FAM169A: variants seen among roughly 807,000 people sequenced by gnomAD.
FAM169A encodes the protein soluble lamin-associated protein of 75 kDa.
A neutral mutation model predicts 75.7 loss-of-function variants in FAM169A; 24 were observed. The ratio of observed to expected loss-of-function variants is 0.32; its 90% confidence interval spans 0.23 to 0.45. FAM169A has a LOEUF of 0.45. Among genes scored for constraint, FAM169A ranks in the 20% least tolerant of loss-of-function variants. The pLI is 1.00. For synonymous variants in FAM169A, 271 were observed against 271.0 expected, an observed-to-expected ratio of 1.00 and a Z score of 0.00; for missense variants, 673 against 784.0, an observed-to-expected ratio of 0.86 and a Z score of 1.69.
intron 1 of FAM169A, among the ~76,000 whole-genome samples, chr5:74,863,315 CACT>C (rs1337286973): frequency 6.6e-6 from 1 of 152,104 alleles, no homozygotes; most frequent in Non-Finnish European, 1.5e-5. Context: ...TTCCTACCAC[CACT>C]GAGGCATACC....
At chr5:74,837,435 C>G (rs766329225) in intron 4 of FAM169A, among the ~76,000 whole-genome samples, 1 of 152,166 alleles carries the variant, frequency 6.6e-6, no homozygotes, top group African/African-American at 2.4e-5. Context: ...TTAAGGCACA[C>G]TGAAGAATTA....
At chr5:74,795,436 G>A (rs1746219942) in intron 11 of FAM169A, among the ~76,000 whole-genome samples, 1 of 151,860 alleles carries the variant, frequency 6.6e-6, no homozygotes, top group Non-Finnish European at 1.5e-5. Context: ...AATGGATAGA[G>A]GAAAGAAAAA....
chr5:74,788,319 G>A (rs2112476895), intron 11 of FAM169A, among the ~76,000 whole-genome samples: 1 of 152,320 alleles, frequency 6.6e-6, no homozygotes, highest in East Asian at 1.9e-4. Context: ...ACAGCTGGCA[G>A]AGCCCCCACA....
chr5:74,798,278 G>A (rs535047386), intron 10 of FAM169A, among the ~76,000 whole-genome samples: 31 of 152,220 alleles, frequency 2.0e-4, no homozygotes, highest in African/African-American at 7.2e-4. Flanking sequence ...TTTGTTCTTC[G>A]TATGTTTCAG....
intron 4 of FAM169A, among the ~76,000 whole-genome samples, chr5:74,834,823 T>C (rs913808527): frequency 6.6e-6 from 1 of 152,026 alleles, no homozygotes; most frequent in African/African-American, 2.4e-5. Context: ...ATACTGCCTT[T>C]CAACAAAATT....
intron 11 of FAM169A, among the ~76,000 whole-genome samples, chr5:74,786,131 C>T (rs1392596151): frequency 2.0e-5 from 3 of 152,168 alleles, no homozygotes; most frequent in Non-Finnish European, 4.4e-5. Flanking sequence ...TGGATGATTC[C>T]TGCCCTCAAA....
intron 6 of FAM169A, among the ~76,000 whole-genome samples, chr5:74,809,203 A>C (rs1369681998): frequency 6.6e-6 from 1 of 152,228 alleles, no homozygotes; most frequent in Non-Finnish European, 1.5e-5. Flanking sequence ...TTCAAAACTT[A>C]CTTGCAAAAA....
Position 74,841,605 on chromosome 5 carries a change from C to G in FAM169A, c.72G>C (p.Met24Ile), listed in dbSNP as rs780753857. 2 of 1,612,988 alleles carry G rather than the reference C, an allele frequency of 1.2e-6. No homozygotes were observed. The highest frequency in any genetic ancestry group is 2.2e-5 in the South Asian group (2 of 91,060). The stretch of plus-strand genomic sequence containing the variant: ...CAGGGTCCCCACACCTTAAATCTGA[C>G]ATGTAATCTTCAGCAGAATTTTCCA... ...EELENSAEDY[M>I]SDLRCGDPEN... Residue 24 changes from methionine (M) to isoleucine (I), a missense_variant, in exon 2 of 13, where the codon ATG becomes ATC. By Grantham distance (10) the Met-to-Ile change is conservative (BLOSUM62 1). Coordinates refer to ENST00000687041, the MANE Select transcript of FAM169A (RefSeq NM_001376049.1).
chr5:74,785,242 T>C lies in FAM169A; in HGVS notation c.1261-2108A>G, dbSNP rs1193751683. Among the ~76,000 whole-genome samples the C allele has an allele frequency of 2.6e-5, 4 of 151,820 alleles. No homozygotes were observed. The East Asian group carries it at 7.8e-4, about 30-fold the overall frequency. Reference sequence around the variant, plus strand: ...GCTGAGGCAGAGAATTGCTTGAACCTGGGAGGTAGAGGTTGCAGTTAAGCC... The same window carrying C: ...GCTGAGGCAGAGAATTGCTTGAACCCGGGAGGTAGAGGTTGCAGTTAAGCC... On this transcript the variant is annotated intron_variant, in intron 11 of 12. Transcript: ENST00000687041.
chr5:74,865,321 C>T (rs1200631077), intron 1 of FAM169A: 1 of 152,158 alleles, frequency 6.6e-6, no homozygotes, highest in Admixed American at 6.5e-5. Flanking sequence ...CCCAAAAACC[C>T]GTACACACGT....
chr5:74,833,228 A>G (rs763281501), intron 5 of FAM169A, among the ~76,000 whole-genome samples: 1 of 152,186 alleles, frequency 6.6e-6, no homozygotes, highest in Non-Finnish European at 1.5e-5. Context: ...TGCCTTATAT[A>G]AAATAAATCA....
At chr5:74,797,837 C>G (rs1167905467) in intron 10 of FAM169A, among the ~76,000 whole-genome samples, 1 of 152,090 alleles carries the variant, frequency 6.6e-6, no homozygotes, top group Admixed American at 6.6e-5. Flanking sequence ...GTTCCAAACA[C>G]TCAACTCTGC....
intron 11 of FAM169A, among the ~76,000 whole-genome samples, chr5:74,784,970 T>C (rs183310030): frequency 2.3e-4 from 34 of 150,168 alleles, no homozygotes; most frequent in African/African-American, 7.4e-4. Context: ...CACTGGTATA[T>C]GTCTTATTGA....
intron 5 of FAM169A, among the ~76,000 whole-genome samples, chr5:74,815,744 AAGAAG>A (rs1032441417): frequency 8.5e-5 from 13 of 152,200 alleles, no homozygotes; most frequent in Non-Finnish European, 1.5e-5. Flanking sequence ...GGTTGCAGTA[AAGAAG>A]CTGGCTAAAA....
intron 5 of FAM169A, among the ~76,000 whole-genome samples, chr5:74,830,422 T>A (rs546354106): frequency 6.6e-6 from 1 of 152,152 alleles, no homozygotes; most frequent in Non-Finnish European, 1.5e-5. Flanking sequence ...CTGTTAACTA[T>A]GGATCCTGTG....
At chr5:74,789,098 G>A (rs892416385) in intron 11 of FAM169A, among the ~76,000 whole-genome samples, 2 of 152,176 alleles carry the variant, frequency 1.3e-5, no homozygotes, top group Non-Finnish European at 2.9e-5. Context: ...CTACCTCAGG[G>A]GTATATCAAC....
intron 10 of FAM169A, chr5:74,799,508 A>G (rs1318783640): frequency 6.3e-7 from 1 of 1,583,742 alleles, no homozygotes; most frequent in East Asian, 2.2e-5. Context: ...TTTTCTTCCT[A>G]CATTAAAGAA....
intron 1 of FAM169A, among the ~76,000 whole-genome samples, chr5:74,861,215 C>T (rs928607102): frequency 6.6e-6 from 1 of 152,166 alleles, no homozygotes; most frequent in Non-Finnish European, 1.5e-5. Flanking sequence ...CTTCAAGGAA[C>T]CTTTTAACAT....
intron 11 of FAM169A, among the ~76,000 whole-genome samples, chr5:74,792,850 A>G (rs57742635): frequency 6.6e-6 from 1 of 152,234 alleles, no homozygotes; most frequent in Admixed American, 6.5e-5. Flanking sequence ...GAGATTCCTT[A>G]AAGTACTAAA....
Sources: gnomAD v4.1 joint callset for allele counts (sites outside exome capture counted in the v4.1 genomes callset) on GRCh38, gnomAD v4.1.1 for gene constraint, MANE v1.5 for transcripts, NCBI Gene and HGNC (gene_info 2026-07-23, HGNC 2026-07-21) for gene names.